Variants in PLEKHB2 observed in about 807,000 individuals in gnomAD.
The protein encoded by PLEKHB2 is pleckstrin homology domain containing B2, also known as pleckstrin homology domain-containing family B member 2.
In PLEKHB2, 31 loss-of-function variants were observed where a neutral mutation model predicts 36.5. That is an observed-to-expected ratio of 0.85 (90% confidence interval 0.64 to 1.15). The LOEUF is 1.15. PLEKHB2 is among the 50% of genes most tolerant of loss of function. The pLI is 0.00. For synonymous variants in PLEKHB2, 119 were observed against 112.0 expected (o/e 1.06, Z -0.39); for missense variants, 262 against 295.3 (o/e 0.89, Z 0.83).
intron 1 of PLEKHB2, among the ~76,000 whole-genome samples, chr2:131,105,627 C>T (rs962339777): frequency 4.6e-5 from 7 of 152,078 alleles, no homozygotes; most frequent in Admixed American, 1.3e-4. Flanking sequence ...TCTCAGTCTC[C>T]CCTAGAGCAG....
At chr2:131,109,726 T>C (rs1289016187) in intron 1 of PLEKHB2, among the ~76,000 whole-genome samples, 1 of 151,898 alleles carries the variant, frequency 6.6e-6, no homozygotes. Flanking sequence ...CAAATAGTGC[T>C]TTAAACCTTA....
chr2:131,108,982 C>G (rs1423589580), intron 1 of PLEKHB2, among the ~76,000 whole-genome samples: 2 of 152,110 alleles, frequency 1.3e-5, no homozygotes, highest in Admixed American at 6.5e-5. Context: ...AGGATCTGAA[C>G]ATAGGTCTTT....
chr2:131,117,890 A>G (rs1419188507), intron 1 of PLEKHB2, among the ~76,000 whole-genome samples: 1 of 152,202 alleles, frequency 6.6e-6, no homozygotes, highest in Non-Finnish European at 1.5e-5. Context: ...GCTGGACACA[A>G]GTAAGGTGTT....
Position 131,120,916 on chromosome 2 carries a change from C to G in PLEKHB2, c.-8-18C>G. On this transcript the variant is annotated intron_variant, in intron 1 of 7. Coordinates refer to ENST00000693505, the MANE Select transcript of PLEKHB2 (RefSeq NM_001100623.2). ...CTTTCTGGGTATGATTTTGAACCTG[C>G]CTGTTTTTGTTCTGTAGGTGAAGAG... 1.9e-6 allele frequency: 3 copies of G among 1,613,534 alleles called. No homozygotes were observed. The highest frequency in any genetic ancestry group is 2.5e-6 in the Non-Finnish European group (3 of 1,179,436).
chr2:131,138,153 AC>A (rs1478641089), intron 6 of PLEKHB2, among the ~76,000 whole-genome samples: 2 of 150,830 alleles, frequency 1.3e-5, no homozygotes, highest in African/African-American at 4.9e-5. Flanking sequence ...CATTCATTGA[AC>A]TATTTAAATT....
At chr2:131,145,209 C>T (rs1047362272) in intron 7 of PLEKHB2, among the ~76,000 whole-genome samples, 1 of 152,146 alleles carries the variant, frequency 6.6e-6, no homozygotes, top group Middle Eastern at 3.2e-3. Flanking sequence ...AAAGTGCACT[C>T]AGTTGAGTAA....
intron 1 of PLEKHB2, among the ~76,000 whole-genome samples, chr2:131,119,476 C>T (rs1414517109): frequency 6.6e-6 from 1 of 152,184 alleles, no homozygotes; most frequent in Non-Finnish European, 1.5e-5. Context: ...GAGGTACCCG[C>T]TCAGCAGTCC....
chr2:131,109,983 C>A (rs568817148), intron 1 of PLEKHB2, among the ~76,000 whole-genome samples: 1 of 150,348 alleles, frequency 6.7e-6, no homozygotes, highest in Non-Finnish European at 1.5e-5. Flanking sequence ...GGTGTGGTGG[C>A]GGTTGCCTGT....
At chr2:131,145,931 T>C (rs1364422118) in intron 7 of PLEKHB2, among the ~76,000 whole-genome samples, 3 of 151,772 alleles carry the variant, frequency 2.0e-5, no homozygotes, top group Non-Finnish European at 4.4e-5. Flanking sequence ...GCCTGTAATC[T>C]CAGCACTTTG....
At chr2:131,110,817 C>T (rs1348712760) in intron 1 of PLEKHB2, among the ~76,000 whole-genome samples, 3 of 152,088 alleles carry the variant, frequency 2.0e-5, no homozygotes, top group Non-Finnish European at 4.4e-5. Context: ...TTTTTAGGTT[C>T]TCTTCTTTGT....
intron 5 of PLEKHB2, 56 bp downstream of exon 5, chr2:131,130,816 TCTCA>T: frequency 7.8e-7 from 1 of 1,284,480 alleles, no homozygotes; most frequent in African/African-American, 1.5e-5. Flanking sequence ...AAGGTGTCAC[TCTCA>T]CTCAGGCTTG....
chr2:131,134,810 A>G (rs946085216), intron 6 of PLEKHB2, among the ~76,000 whole-genome samples: 13 of 152,196 alleles, frequency 8.5e-5, no homozygotes, highest in African/African-American at 2.7e-4. Flanking sequence ...TTATTTGGAG[A>G]GTAATGACAT....
chr2:131,132,963 A>G lies in PLEKHB2; in HGVS notation c.395A>G (p.Tyr132Cys). Residue 132 changes from tyrosine to cysteine, a missense_variant, in exon 6 of 8, where the codon TAC (tyrosine) becomes TGC (cysteine). By Grantham distance (194) the Tyr-to-Cys change is radical. Transcript: ENST00000693505. Reference protein sequence around the residue: ...ETSVVSSPPPYTAYAAPAPEQ... With the variant: ...ETSVVSSPPPCTAYAAPAPEQ... ...TCCGTGGTTTCCTCACCTCCACCAT[A>G]CACGGCCTATGCTGCACCGGCCCCT... is the stretch of plus-strand genomic sequence containing the variant. The G allele has an allele frequency of 6.2e-7, 1 of 1,613,884 alleles. No homozygotes were observed. Among genetic ancestry groups the G allele is most frequent in the Non-Finnish European group, 8.5e-7 (1 of 1,179,872 alleles).
chr2:131,114,187 G>A lies in PLEKHB2; in HGVS notation c.-8-6747G>A, dbSNP rs528926090. On this transcript the variant is annotated intron_variant, in intron 1 of 7. Transcript: ENST00000693505. ...GTGGCCCAGGCTGGAGTGCAGTGGC[G>A]TGATCTCAGCTCACTGCAAGCTCCG... Among the ~76,000 whole-genome samples the A allele has an allele frequency of 4.6e-5, 7 of 152,084 alleles. No individual in the cohort carries two copies. In the East Asian group the frequency reaches 7.7e-4, roughly 17 times the overall value.
chr2:131,121,120 AG>A, intron 2 of PLEKHB2, 142 bp downstream of exon 2: 1 of 743,222 alleles, frequency 1.3e-6, no homozygotes. Flanking sequence ...GGACATTCCT[AG>A]ATCTCTGTGA....
intron 2 of PLEKHB2, among the ~76,000 whole-genome samples, chr2:131,123,000 T>A (rs1019252039): frequency 6.6e-6 from 1 of 152,182 alleles, no homozygotes; most frequent in Admixed American, 6.5e-5. Flanking sequence ...CTTTCCCTTT[T>A]CCACCACAAC....
At chr2:131,130,453 C>A (rs1478667537) in intron 4 of PLEKHB2, among the ~76,000 whole-genome samples, 1 of 152,148 alleles carries the variant, frequency 6.6e-6, no homozygotes, top group Non-Finnish European at 1.5e-5. Context: ...ATGCCATGAA[C>A]TGACAAAGCA....
At chr2:131,109,743 A>G (rs1024800825) in intron 1 of PLEKHB2, among the ~76,000 whole-genome samples, 2 of 152,062 alleles carry the variant, frequency 1.3e-5, no homozygotes, top group African/African-American at 4.8e-5. Context: ...CTTAGAATAA[A>G]AAAAAATATA....
chr2:131,146,318 C>T (rs1221773730), intron 7 of PLEKHB2, among the ~76,000 whole-genome samples: 1 of 152,136 alleles, frequency 6.6e-6, no homozygotes, highest in Admixed American at 6.5e-5. Flanking sequence ...CTCCCATGTT[C>T]CCCATTTGTC....
Sources: gnomAD v4.1 joint callset for allele counts (sites outside exome capture counted in the v4.1 genomes callset) on GRCh38, gnomAD v4.1.1 for gene constraint, MANE v1.5 for transcripts, NCBI Gene and HGNC (gene_info 2026-07-23, HGNC 2026-07-21) for gene names.